The following PRR5L variants were observed in gnomAD, a reference collection of about 807,000 sequenced individuals.
PRR5L encodes proline rich 5 like.
In PRR5L, 21 loss-of-function variants were observed where a neutral mutation model predicts 36.4. The observed-to-expected ratio is 0.58, with a 90% CI of 0.41 to 0.83. The LOEUF (loss-of-function observed/expected upper bound fraction) is 0.83, where lower values mean the gene tolerates loss of function less well. Among genes scored for constraint, PRR5L ranks in the 40% least tolerant of loss-of-function variants. The pLI, the probability that PRR5L is intolerant of heterozygous loss-of-function variation, is 0.00. For missense variants in PRR5L, 381 were observed against 473.3 expected, an observed-to-expected ratio of 0.80 and a Z score of 1.81; for synonymous variants, 188 against 197.0, an observed-to-expected ratio of 0.95 and a Z score of 0.38.
chr11:36,359,462 AT>A (rs973201558), intron 1 of PRR5L, among the ~76,000 whole-genome samples: 2 of 152,104 alleles, frequency 1.3e-5, no homozygotes, highest in Non-Finnish European at 2.9e-5. Flanking sequence ...TTTAATTTTA[AT>A]TTTTTTACAT....
chr11:36,462,469 C>T lies in PRR5L; in HGVS notation c.840C>T (p.Tyr280=), dbSNP rs1049338914. The T allele has an allele frequency of 2.5e-6, 4 of 1,608,628 alleles. No homozygotes were observed. The highest frequency in any genetic ancestry group is 2.7e-5 in the African/African-American group (2 of 74,892). ...TPLTEQEGEA[Y]LEKCGSVRRH... is the part of the protein sequence containing the mutation. ...TGACAGAGCAGGAGGGGGAAGCCTA[C>T]CTGGAGAAGTGTGGCAGCGTGCGGC... Residue 280 remains tyrosine (Y), a synonymous_variant, in exon 9 of 9, where the codon TAC becomes TAT. Transcript: ENST00000530639.
chr11:36,376,406 T>G lies in PRR5L; in HGVS notation c.-125-24591T>G. The G allele has an allele frequency of 2.6e-6, 3 of 1,144,714 alleles. No individual in the cohort carries two copies. In the South Asian group the frequency reaches 5.3e-5, roughly 20 times the overall value. 70.9% of individuals were successfully genotyped at this position (1,144,714 alleles called of 1,614,324 possible). On this transcript the variant is annotated intron_variant, in intron 1 of 8. Transcript: ENST00000530639. ...CGTAAGATGAGAGAGGAGGGAAACG[T>G]GTCACCAGCCCGGCTGTGGGAGCTC...
chr11:36,373,217 T>C (rs1450643405), intron 1 of PRR5L, among the ~76,000 whole-genome samples: 1 of 152,156 alleles, frequency 6.6e-6, no homozygotes, highest in African/African-American at 2.4e-5. Flanking sequence ...GCTGTGTATA[T>C]ATCTAATAAA....
chr11:36,389,417 T>G (rs1426993391), intron 1 of PRR5L, among the ~76,000 whole-genome samples: 1 of 152,212 alleles, frequency 6.6e-6, no homozygotes, highest in Non-Finnish European at 1.5e-5. Flanking sequence ...GGCGAGGCCG[T>G]GATCTAGGTT....
At chr11:36,419,388 G>C (rs1564943338) in intron 4 of PRR5L, 85 bp downstream of exon 4, 1 of 1,193,760 alleles carries the variant, frequency 8.4e-7, no homozygotes, top group Middle Eastern at 1.9e-4. Flanking sequence ...TGTACAGTTG[G>C]ACATTCCTTC....
intron 1 of PRR5L, among the ~76,000 whole-genome samples, chr11:36,323,609 A>C (rs1856633934): frequency 6.6e-6 from 1 of 152,226 alleles, no homozygotes; most frequent in Non-Finnish European, 1.5e-5. Flanking sequence ...GTGGTATGAA[A>C]CATACGTTTC....
At chr11:36,394,994 A>G (rs912962544) in intron 1 of PRR5L, among the ~76,000 whole-genome samples, 1 of 152,124 alleles carries the variant, frequency 6.6e-6, no homozygotes, top group Non-Finnish European at 1.5e-5. Flanking sequence ...TAAGCATTAT[A>G]CTTCTCAACA....
chr11:36,415,027 T>C (rs570779108), intron 3 of PRR5L, among the ~76,000 whole-genome samples: 4 of 145,080 alleles, frequency 2.8e-5, no homozygotes, highest in South Asian at 2.4e-4. Flanking sequence ...GTTGTAGATA[T>C]GCAGCGTTAT....
In PRR5L at chr11:36,333,448, A is replaced by G. The variant is rs532757610; in HGVS notation, c.-126+37010A>G. On this transcript the variant is annotated intron_variant, in intron 1 of 8. Coordinates refer to ENST00000530639, the MANE Select transcript of PRR5L (RefSeq NM_001160167.2). ...TATGTAAATGTTCACATTTATGTACACAATAGCCCCAAACAGTAAACAACC... is the reference window on the plus strand; with the variant it reads ...TATGTAAATGTTCACATTTATGTACGCAATAGCCCCAAACAGTAAACAACC... Among the ~76,000 whole-genome samples, 321 of 152,366 alleles carry G rather than the reference A, an allele frequency of 2.1e-3. 1 individual carries two copies. The highest frequency in any genetic ancestry group is 2.2e-3 in the Non-Finnish European group (150 of 68,036).
chr11:36,376,432 C>T (rs111430211), intron 1 of PRR5L: 8 of 1,134,084 alleles, frequency 7.1e-6, no homozygotes, highest in African/African-American at 1.7e-5. Context: ...GTGGGAGCTC[C>T]GCGGCCGAAG....
At chr11:36,434,216 T>C (rs12793521) in intron 5 of PRR5L, among the ~76,000 whole-genome samples, 44,515 of 152,034 alleles carry the variant, frequency 0.29, 6,947 homozygotes, top group East Asian at 0.51. Context: ...TCTTCTAGTC[T>C]TAGAGTTCTG....
chr11:36,320,129 C>T (rs1263024644), intron 1 of PRR5L, among the ~76,000 whole-genome samples: 1 of 152,042 alleles, frequency 6.6e-6, no homozygotes, highest in Non-Finnish European at 1.5e-5. Flanking sequence ...TTAACAAAGA[C>T]TTGTGTCGTC....
chr11:36,395,458 G>A (rs1857639173), intron 1 of PRR5L, among the ~76,000 whole-genome samples: 1 of 152,184 alleles, frequency 6.6e-6, no homozygotes, highest in African/African-American at 2.4e-5. Flanking sequence ...GTTCTCAATA[G>A]CCATATATGG....
At chr11:36,396,957 G>C (rs933717164) in intron 1 of PRR5L, among the ~76,000 whole-genome samples, 1 of 152,132 alleles carries the variant, frequency 6.6e-6, no homozygotes. Flanking sequence ...TGGTAGCATG[G>C]AAAAGTGGGA....
intron 1 of PRR5L, among the ~76,000 whole-genome samples, chr11:36,369,457 C>A (rs570337315): frequency 1.3e-5 from 2 of 152,272 alleles, no homozygotes; most frequent in East Asian, 3.9e-4. Flanking sequence ...CAATCCACTG[C>A]CCCATTCTGC....
At chr11:36,375,459 C>A (rs1419925248) in intron 1 of PRR5L, among the ~76,000 whole-genome samples, 2 of 152,084 alleles carry the variant, frequency 1.3e-5, no homozygotes, top group Non-Finnish European at 2.9e-5. Context: ...TGTAGGGTCG[C>A]AATGACCAAA....
At chr11:36,424,333 C>T (rs1461094956) in intron 4 of PRR5L, among the ~76,000 whole-genome samples, 1 of 152,134 alleles carries the variant, frequency 6.6e-6, no homozygotes, top group Non-Finnish European at 1.5e-5. Context: ...GGACAGAATT[C>T]CTCCTAAATC....
intron 1 of PRR5L, among the ~76,000 whole-genome samples, chr11:36,383,525 C>T (rs1430923189): frequency 6.6e-6 from 1 of 152,156 alleles, no homozygotes; most frequent in African/African-American, 2.4e-5. Flanking sequence ...GACATCTGAA[C>T]ACAGGTTTTC....
rs11555379 is a variant in PRR5L at position 36,419,286 on chromosome 11, A to G, written c.277A>G (p.Ile93Val). ...RLLKSELGSF[I>V]TDYFQNQLLA... ...GTTGAAGAGTGAACTTGGATCATTC[A>G]TTACAGACTATTTTCAGGTAAGCTG... is the stretch of plus-strand genomic sequence containing the variant. The change falls in exon 4 of 9, where the codon ATT becomes GTT. Residue 93 changes from isoleucine (I) to valine (V), a missense_variant. Coordinates refer to ENST00000530639, the MANE Select transcript of PRR5L (RefSeq NM_001160167.2). The G allele has an allele frequency of 5.6e-3, 9,014 of 1,614,020 alleles. 177 individuals are homozygous for G. Among genetic ancestry groups the G allele is most frequent in the African/African-American group, 0.041 (3,065 of 75,028 alleles).
Sources: allele counts gnomAD v4.1 joint callset (sites outside exome capture counted in the v4.1 genomes callset), GRCh38; gene constraint gnomAD v4.1.1; transcripts MANE v1.5; gene names NCBI Gene and HGNC (gene_info 2026-07-23, HGNC 2026-07-21).